Variants in PDE1A observed in about 807,000 individuals in gnomAD.
PDE1A encodes the protein dual specificity calcium/calmodulin-dependent 3',5'-cyclic nucleotide phosphodiesterase 1A.
Under a neutral mutation model 61.7 loss-of-function variants are expected in PDE1A, and 35 were observed. That is an observed-to-expected ratio of 0.57 (90% confidence interval 0.43 to 0.75). PDE1A has a LOEUF of 0.75. PDE1A is among the 30% of genes least tolerant of loss of function. PDE1A has a pLI of 0.00. For missense variants in PDE1A, 597 were observed against 630.6 expected (o/e 0.95, Z 0.57); for synonymous variants, 232 against 213.2 (o/e 1.09, Z -0.77).
At chr2:182,529,576 A>G in the PDE1A span, among the ~76,000 whole-genome samples, 1 of 152,212 alleles carries the variant, frequency 6.6e-6, no homozygotes, top group African/African-American at 2.4e-5. Context: ...TTGATTTTGA[A>G]AAGTGAGACC....
At chr2:182,249,511 C>G (rs943768994) in intron 2 of PDE1A, among the ~76,000 whole-genome samples, 6 of 152,096 alleles carry the variant, frequency 3.9e-5, no homozygotes, top group African/African-American at 1.2e-4. Context: ...CCCTGGGAAG[C>G]AGCTTCACTG....
intron 2 of PDE1A, among the ~76,000 whole-genome samples, chr2:182,486,771 A>G (rs1200131108): frequency 6.6e-6 from 1 of 152,142 alleles, no homozygotes; most frequent in Non-Finnish European, 1.5e-5. Flanking sequence ...AACCATACAC[A>G]AAGATTAACT....
At chr2:182,581,187 T>C in the PDE1A span, among the ~76,000 whole-genome samples, 3 of 152,176 alleles carry the variant, frequency 2.0e-5, no homozygotes, top group Non-Finnish European at 4.4e-5. Flanking sequence ...AAGATACCTA[T>C]TTTCATAATT....
chr2:182,417,635 GA>G (rs1046177462), intron 1 of PDE1A, among the ~76,000 whole-genome samples: 4 of 151,956 alleles, frequency 2.6e-5, no homozygotes, highest in Admixed American at 6.6e-5. Flanking sequence ...AAAAATGAAA[GA>G]AAAAAATAGC....
chr2:182,509,144 G>T (rs1439327159), intron 2 of PDE1A, among the ~76,000 whole-genome samples: 1 of 152,084 alleles, frequency 6.6e-6, no homozygotes, highest in African/African-American at 2.4e-5. Flanking sequence ...GGGTTTTCTT[G>T]GTTGTTTGGT....
At chr2:182,639,463 G>A in the PDE1A span, among the ~76,000 whole-genome samples, 3 of 152,268 alleles carry the variant, frequency 2.0e-5, no homozygotes, top group South Asian at 6.2e-4. Context: ...AGCTGCTCAG[G>A]AGGTCGAGGC....
At chr2:182,232,181 G>A (rs779902647) in intron 4 of PDE1A, among the ~76,000 whole-genome samples, 14 of 152,182 alleles carry the variant, frequency 9.2e-5, no homozygotes, top group Middle Eastern at 3.4e-3. Context: ...AAACTGGAAA[G>A]TACCCCCTAA....
At chr2:182,508,148 CA>C (rs745991982) in intron 2 of PDE1A, among the ~76,000 whole-genome samples, 1 of 148,170 alleles carries the variant, frequency 6.7e-6, no homozygotes, top group Non-Finnish European at 1.5e-5. Context: ...ATGATTATCT[CA>C]ATAGATTCAA....
the PDE1A span, among the ~76,000 whole-genome samples, chr2:182,537,174 T>C: frequency 2.0e-5 from 3 of 152,184 alleles, no homozygotes; most frequent in East Asian, 1.9e-4. Flanking sequence ...CCATACCAAC[T>C]GGAAGAAGCA....
At chr2:182,527,066 C>T (rs1305547596), upstream of PDE1A, among the ~76,000 whole-genome samples, 2 of 148,254 alleles carry the variant, frequency 1.3e-5, no homozygotes, top group Non-Finnish European at 1.5e-5. Flanking sequence ...TTTTAAAGGA[C>T]CATTCAGGAA....
intron 2 of PDE1A, among the ~76,000 whole-genome samples, chr2:182,244,003 G>A (rs1243680554): frequency 3.9e-5 from 6 of 152,136 alleles, no homozygotes. Flanking sequence ...GAGTAGCTGG[G>A]ATTACAGGCA....
intron 1 of PDE1A, among the ~76,000 whole-genome samples, chr2:182,313,369 G>A (rs1255941060): frequency 2.0e-5 from 3 of 152,030 alleles, no homozygotes; most frequent in South Asian, 2.1e-4. Context: ...AGCTGAGATC[G>A]TGCCACTGCA....
chr2:182,709,701 C>T, the PDE1A span, among the ~76,000 whole-genome samples: 1 of 152,152 alleles, frequency 6.6e-6, no homozygotes, highest in Non-Finnish European at 1.5e-5. Flanking sequence ...AATAACATAT[C>T]TCATACATAT....
At chr2:182,648,383 A>G in the PDE1A span, among the ~76,000 whole-genome samples, 1 of 151,710 alleles carries the variant, frequency 6.6e-6, no homozygotes, top group Non-Finnish European at 1.5e-5. Context: ...ATGCAGTAAT[A>G]AGTCCAGGCT....
intron 1 of PDE1A, among the ~76,000 whole-genome samples, chr2:182,299,576 C>T (rs1457647331): frequency 6.6e-6 from 1 of 150,980 alleles, no homozygotes; most frequent in African/African-American, 2.4e-5. Flanking sequence ...CAAAAACAGC[C>T]TAGAACATGG....
intron 13 of PDE1A, among the ~76,000 whole-genome samples, chr2:182,172,919 A>G (rs2125331951): frequency 6.6e-6 from 1 of 152,168 alleles, no homozygotes; most frequent in East Asian, 1.9e-4. Flanking sequence ...GACCTTGTCC[A>G]CTGATCTTCC....
In PDE1A at chr2:182,241,745, A is replaced by G. The variant is rs1378670035; in HGVS notation, c.168-1453T>C. ...GTTCTGGAGTCACAAAGATACGTGTATACATATAACGATAAAAAATATTTA... is the reference window on the plus strand; with the variant it reads ...GTTCTGGAGTCACAAAGATACGTGTGTACATATAACGATAAAAAATATTTA... On this transcript the variant is annotated intron_variant, in intron 2 of 13. Coordinates refer to ENST00000351439, the Ensembl canonical transcript of PDE1A. 3 of 1,065,034 alleles carry G rather than the reference A, an allele frequency of 2.8e-6. No homozygotes were observed. In the African/African-American group the frequency reaches 4.8e-5, roughly 17 times the overall value. The allele number at this position is 1,065,034 out of a possible 1,614,324, so 66.0% of individuals were successfully genotyped here. A position where few individuals can be genotyped will look rare whatever the true frequency, so the allele number is the denominator to read the frequency against.
At chr2:182,152,452 C>T (rs918113143) in intron 13 of PDE1A, among the ~76,000 whole-genome samples, 5 of 119,464 alleles carry the variant, frequency 4.2e-5, no homozygotes, top group African/African-American at 6.3e-5. Context: ...TGGAGTCTCG[C>T]TCTTGTTGCC....
intron 1 of PDE1A, among the ~76,000 whole-genome samples, chr2:182,351,675 T>A (rs1049496171): frequency 6.6e-6 from 1 of 152,180 alleles, no homozygotes; most frequent in African/African-American, 2.4e-5. Flanking sequence ...CACTTTACCG[T>A]GACATTTGTG....
Sources: allele counts gnomAD v4.1 joint callset (sites outside exome capture counted in the v4.1 genomes callset), GRCh38; gene constraint gnomAD v4.1.1; transcripts MANE v1.5; gene names NCBI Gene and HGNC (gene_info 2026-07-23, HGNC 2026-07-21).